The following SLC17A6 variants were observed in gnomAD, a reference collection of about 807,000 sequenced individuals.
SLC17A6 encodes vesicular glutamate transporter 2.
Under a neutral mutation model 67.1 loss-of-function variants are expected in SLC17A6, and 35 were observed. The observed-to-expected ratio is 0.52, with a 90% CI of 0.40 to 0.69. The LOEUF (loss-of-function observed/expected upper bound fraction) is 0.69, where lower values mean the gene tolerates loss of function less well. SLC17A6 is among the 30% of genes least tolerant of loss of function. SLC17A6 has a pLI of 0.00. For synonymous variants in SLC17A6, 285 were observed against 252.3 expected (o/e 1.13, Z -1.23); for missense variants, 588 against 723.9 (o/e 0.81, Z 2.15).
chr11:22,349,740 T>G (rs1398941774), intron 3 of SLC17A6, among the ~76,000 whole-genome samples: 3 of 152,204 alleles, frequency 2.0e-5, no homozygotes, highest in Admixed American at 6.5e-5. Flanking sequence ...TACAACTTAA[T>G]GATGTATCAA....
intron 7 of SLC17A6, among the ~76,000 whole-genome samples, chr11:22,366,026 A>T (rs143160986): frequency 1.1e-4 from 16 of 152,296 alleles, no homozygotes; most frequent in Middle Eastern, 3.4e-3. Context: ...AAAAAATCCA[A>T]ATCAGCCATG....
intron 1 of SLC17A6, among the ~76,000 whole-genome samples, chr11:22,339,182 TA>T (rs201648706): frequency 0.19 from 2,880 of 15,264 alleles, 453 homozygotes; most frequent in African/African-American, 0.43. Flanking sequence ...ATATATGTTT[TA>T]TATATATATA....
intron 6 of SLC17A6, 33 bp from the exon 7 acceptor site, chr11:22,365,514 A>G (rs769638009): frequency 1.2e-5 from 20 of 1,612,630 alleles, no homozygotes; most frequent in Non-Finnish European, 1.5e-5. Flanking sequence ...GTTAAATGGA[A>G]GTGACTTTCT....
chr11:22,340,932 T>C (rs929651466), intron 1 of SLC17A6, among the ~76,000 whole-genome samples: 4 of 152,116 alleles, frequency 2.6e-5, no homozygotes, highest in Admixed American at 6.5e-5. Context: ...TGCTCCAGGC[T>C]CAGCTCAGGG....
At chr11:22,352,496 G>A (rs1183531813) in intron 3 of SLC17A6, among the ~76,000 whole-genome samples, 1 of 152,190 alleles carries the variant, frequency 6.6e-6, no homozygotes, top group Non-Finnish European at 1.5e-5. Context: ...TACCTCAGAA[G>A]AGGAAGTTAT....
At chr11:22,355,066 G>T (rs1263831485) in intron 3 of SLC17A6, among the ~76,000 whole-genome samples, 4 of 152,174 alleles carry the variant, frequency 2.6e-5, no homozygotes, top group Admixed American at 6.5e-5. Flanking sequence ...AATGCTTAGA[G>T]TGTGCCAGCC....
intron 3 of SLC17A6, among the ~76,000 whole-genome samples, chr11:22,349,962 G>A (rs762871460): frequency 2.0e-5 from 3 of 152,152 alleles, no homozygotes; most frequent in Non-Finnish European, 4.4e-5. Context: ...ACAATCCACT[G>A]CCCAAATGGA....
chr11:22,376,689 A>G lies in SLC17A6; in HGVS notation c.1413+17A>G. 6.2e-7 allele frequency: 1 copy of G among 1,613,002 alleles called. No homozygotes were observed. The highest frequency in any genetic ancestry group is 8.5e-7 in the Non-Finnish European group (1 of 1,179,172). On this transcript the variant is annotated intron_variant, in intron 11 of 11. Transcript: ENST00000263160. ...AAGAATAAGGTAAGATGGTCAAAACAGATGTTTAGTCATAGAAGACAGTTT... is the reference window on the plus strand; with the variant it reads ...AAGAATAAGGTAAGATGGTCAAAACGGATGTTTAGTCATAGAAGACAGTTT...
chr11:22,367,005 GA>G (rs376547104), intron 7 of SLC17A6, among the ~76,000 whole-genome samples: 2,307 of 78,790 alleles, frequency 0.029, 50 homozygotes, highest in African/African-American at 0.11. Flanking sequence ...ACTCCGTCTC[GA>G]AAAAAAAAAA....
chr11:22,353,760 C>T (rs1166965426), intron 3 of SLC17A6, among the ~76,000 whole-genome samples: 2 of 152,178 alleles, frequency 1.3e-5, no homozygotes, highest in South Asian at 2.1e-4. Flanking sequence ...CCCTCTATAA[C>T]AAAATGTAAG....
At chr11:22,353,171 C>G (rs1855960970) in intron 3 of SLC17A6, among the ~76,000 whole-genome samples, 1 of 152,154 alleles carries the variant, frequency 6.6e-6, no homozygotes, top group African/African-American at 2.4e-5. Flanking sequence ...ATGGACCATA[C>G]AGTGTCCCCT....
chr11:22,341,434 C>T (rs1855814210), intron 1 of SLC17A6, 94 bp from the exon 2 acceptor site: 2 of 1,530,980 alleles, frequency 1.3e-6, no homozygotes, highest in Non-Finnish European at 1.7e-6. Flanking sequence ...CGGCCCTCCT[C>T]CCAACCCCGA....
chr11:22,370,590 C>G (rs1856164403), intron 8 of SLC17A6, among the ~76,000 whole-genome samples: 1 of 152,132 alleles, frequency 6.6e-6, no homozygotes, highest in African/African-American at 2.4e-5. Flanking sequence ...AATTATTCTT[C>G]AATGCTCTTA....
At chr11:22,360,397 G>C (rs972270024) in intron 4 of SLC17A6, among the ~76,000 whole-genome samples, 1 of 151,822 alleles carries the variant, frequency 6.6e-6, no homozygotes, top group Non-Finnish European at 1.5e-5. Flanking sequence ...TAGGTGATGG[G>C]TTGATAGGTC....
chr11:22,341,697 G>C lies in SLC17A6; in HGVS notation c.256G>C (p.Gly86Arg). Residue 86 changes from glycine to arginine, a missense_variant, in exon 2 of 12, where the codon GGT becomes CGT. This residue lies in a region of SLC17A6 where 9 missense variants were observed against 25.3 expected (regional missense o/e 0.36). Coordinates refer to ENST00000263160, the MANE Select transcript of SLC17A6 (RefSeq NM_020346.3). ...MSGLGFCISFGIRCNLGVAIV... is the reference protein window; with the variant it reads ...MSGLGFCISFRIRCNLGVAIV... ...CGGCCTGGGCTTCTGCATCTCCTTC[G>C]GTATCCGCTGCAACCTGGGCGTGGC... 6.2e-7 allele frequency: 1 copy of C among 1,614,216 alleles called. No individual in the cohort carries two copies. Among genetic ancestry groups the C allele is most frequent in the Non-Finnish European group, 8.5e-7 (1 of 1,180,042 alleles).
intron 9 of SLC17A6, among the ~76,000 whole-genome samples, chr11:22,375,347 G>A (rs1856221029): frequency 6.6e-6 from 1 of 151,688 alleles, no homozygotes; most frequent in Non-Finnish European, 1.5e-5. Context: ...ACTCCAGCCT[G>A]GGTGACAAGA....
chr11:22,341,833 A>G, intron 2 of SLC17A6, 53 bp downstream of exon 2: 1 of 1,594,130 alleles, frequency 6.3e-7, no homozygotes, highest in Non-Finnish European at 8.5e-7. Context: ...GCGGCCTCGC[A>G]AAACCACATC....
chr11:22,354,272 C>T lies in SLC17A6; in HGVS notation c.459-5141C>T, dbSNP rs146383849. ...CTAATTTTTGTGTTTTTAGTACAGA[C>T]GGGATTTCACCATGTTGGTCGGGCT... On this transcript the variant is annotated intron_variant, in intron 3 of 11. Transcript: ENST00000263160. Among the ~76,000 whole-genome samples, 1,299 of 152,088 alleles carry T rather than the reference C, an allele frequency of 8.5e-3. 19 individuals carry two copies. The highest frequency in any genetic ancestry group is 0.029 in the African/African-American group (1,223 of 41,500).
In SLC17A6 at chr11:22,377,407, A is replaced by G. The variant is rs1405189805; in HGVS notation, c.1416A>G (p.Ser472=). 6.2e-7 allele frequency: 1 copy of G among 1,603,288 alleles called. No homozygotes were observed. Among genetic ancestry groups the G allele is most frequent in the East Asian group, 2.2e-5 (1 of 44,690 alleles). ...AGTGCTGCTTTTTCTCACTGCAGTC[A>G]CGTGAAGAGTGGCAGTATGTCTTCC... ...IIVGAMTKNK[S]REEWQYVFLI... is the part of the protein sequence containing the mutation. Residue 472 remains serine (S), a splice_region_variant and synonymous_variant, in exon 12 of 12, where the codon TCA becomes TCG. Transcript: ENST00000263160.
Sources: gnomAD v4.1 joint callset for allele counts (sites outside exome capture counted in the v4.1 genomes callset) on GRCh38, gnomAD v4.1.1 for gene constraint, gnomAD v4.1.1 regional missense constraint, MANE v1.5 for transcripts, NCBI Gene and HGNC (gene_info 2026-07-23, HGNC 2026-07-21) for gene names.